Variants in CEP128 observed in about 807,000 individuals in gnomAD.
CEP128 encodes centrosomal protein 128kDa.
Under a neutral mutation model 156.7 loss-of-function variants are expected in CEP128, and 132 were observed. That is an observed-to-expected ratio of 0.84 (90% CI 0.73 to 0.97). The LOEUF (loss-of-function observed/expected upper bound fraction) is 0.97. Among genes scored for constraint, CEP128 ranks in the 50% least tolerant of loss-of-function variants. The pLI is 0.00. For synonymous variants in CEP128, 469 were observed against 448.9 expected, an observed-to-expected ratio of 1.04 and a Z score of -0.57; for missense variants, 1,252 against 1,281.9, an observed-to-expected ratio of 0.98 and a Z score of 0.36.
chr14:80,793,838 C>CAT (rs1231434115), intron 13 of CEP128, among the ~76,000 whole-genome samples: 2 of 152,104 alleles, frequency 1.3e-5, no homozygotes, highest in African/African-American at 4.8e-5. Context: ...ATGATTAATA[C>CAT]ATATTTTAAG....
At chr14:80,656,291 T>TTATTTATATATATATA (rs1895148766) in intron 19 of CEP128, among the ~76,000 whole-genome samples, 1 of 25,702 alleles carries the variant, frequency 3.9e-5, no homozygotes, top group Non-Finnish European at 6.6e-5. Flanking sequence ...ATATATATAT[T>TTATTTATATATATATA]TATATATATA....
In CEP128 at chr14:80,620,312, T is replaced by C. The variant is rs551242856; in HGVS notation, c.2807-39889A>G. Among the ~76,000 whole-genome samples the C allele has an allele frequency of 4.6e-5, 7 of 151,986 alleles. No homozygotes were observed. The South Asian group carries it at 1.5e-3, about 32-fold the overall frequency. On this transcript the variant is annotated intron_variant, in intron 19 of 24. Coordinates refer to ENST00000555265, the MANE Select transcript of CEP128 (RefSeq NM_152446.5). ...TTTTAGTGGTCGACTAAGGAGACAATAGAGAGAAGCAATTTGAGATGCTAC... is the reference window on the plus strand; with the variant it reads ...TTTTAGTGGTCGACTAAGGAGACAACAGAGAGAAGCAATTTGAGATGCTAC...
chr14:80,873,463 T>C (rs1303663742), intron 8 of CEP128, among the ~76,000 whole-genome samples: 1 of 152,220 alleles, frequency 6.6e-6, no homozygotes. Flanking sequence ...GGTTCTCTTG[T>C]CACGTGGTGA....
chr14:80,744,433 T>C (rs1196731662), intron 18 of CEP128, among the ~76,000 whole-genome samples: 2 of 152,170 alleles, frequency 1.3e-5, no homozygotes, highest in East Asian at 3.8e-4. Context: ...GGAATGATGA[T>C]ATATAGAGTT....
chr14:80,725,183 AT>A (rs201490130), intron 19 of CEP128, among the ~76,000 whole-genome samples: 2,936 of 137,022 alleles, frequency 0.021, 32 homozygotes, highest in African/African-American at 0.046. Context: ...TGTTTTCCCA[AT>A]TTTTTTTTTT....
At chr14:80,880,898 TAATA>T (rs1888513152) in intron 8 of CEP128, among the ~76,000 whole-genome samples, 2 of 141,122 alleles carry the variant, frequency 1.4e-5, no homozygotes, top group East Asian at 2.1e-4. Flanking sequence ...ATAATAATAA[TAATA>T]ATAATAATTT....
chr14:80,785,031 A>G lies in CEP128; in HGVS notation c.2075T>C (p.Val692Ala). The G allele has an allele frequency of 6.2e-7, 1 of 1,614,212 alleles. No individual in the cohort carries two copies. The highest frequency in any genetic ancestry group is 8.5e-7 in the Non-Finnish European group (1 of 1,180,006). ...GAGATCTTTCAGCTCCCTCTGGTGC[A>G]CATCTCGTTCCAGCTTTAACTGTGT... ...IITQLKLERD[V>A]HQRELKDLTS... The change falls in exon 15 of 25, where the codon GTG becomes GCG. Residue 692 changes from valine to alanine, a missense_variant. Transcript: ENST00000555265.
Position 80,916,474 on chromosome 14 carries a change from G to C in CEP128, c.74C>G (p.Thr25Arg), listed in dbSNP as rs141572655. The change falls in exon 3 of 25, where the codon ACG becomes AGG. Residue 25 changes from threonine (T) to arginine (R), a missense_variant. By Grantham distance (71) the Thr-to-Arg change is moderately conservative. Coordinates refer to ENST00000555265, the MANE Select transcript of CEP128 (RefSeq NM_152446.5). ...AGGAAGACTTCGAGTTCCCCTGTGC[G>C]TTGATCTGGCAGCCCATGGACTCAA... ...DRLSPWAARS[T>R]HRGTRSLPTV... 6.2e-7 allele frequency: 1 copy of C among 1,613,954 alleles called. No homozygotes were observed. Among genetic ancestry groups the C allele is most frequent in the South Asian group, 1.1e-5 (1 of 91,078 alleles).
At chr14:80,855,466 A>G (rs1261234875) in intron 9 of CEP128, among the ~76,000 whole-genome samples, 1 of 152,202 alleles carries the variant, frequency 6.6e-6, no homozygotes, top group Non-Finnish European at 1.5e-5. Context: ...TTTAATGGGC[A>G]TTTATAACAT....
chr14:80,481,965 A>G (rs1186511113), intron 14 of CEP128, among the ~76,000 whole-genome samples: 1 of 152,266 alleles, frequency 6.6e-6, no homozygotes, highest in African/African-American at 2.4e-5. Context: ...AGGAACTTCT[A>G]TTTTTAAAAC....
intron 21 of CEP128, among the ~76,000 whole-genome samples, chr14:80,540,538 T>A (rs985963290): frequency 2.0e-5 from 3 of 151,914 alleles, no homozygotes; most frequent in African/African-American, 7.3e-5. Context: ...GGGCAAGAGG[T>A]TTTAGAGCCT....
intron 21 of CEP128, among the ~76,000 whole-genome samples, chr14:80,540,198 C>CCA (rs1555372600): frequency 8.9e-5 from 3 of 33,664 alleles, no homozygotes; most frequent in African/African-American, 1.7e-4. Flanking sequence ...TGTTCTTACA[C>CCA]CCCCCCCCCT....
At chr14:80,711,740 A>C (rs1897416784) in intron 19 of CEP128, among the ~76,000 whole-genome samples, 1 of 152,168 alleles carries the variant, frequency 6.6e-6, no homozygotes, top group African/African-American at 2.4e-5. Context: ...ACAAAGGATA[A>C]ATGCTTGAAG....
At chr14:80,544,311 C>T (rs1889890078) in intron 21 of CEP128, among the ~76,000 whole-genome samples, 1 of 151,980 alleles carries the variant, frequency 6.6e-6, no homozygotes, top group African/African-American at 2.4e-5. Flanking sequence ...ATAAAAATAC[C>T]ATAAAGTGGG....
In CEP128 at chr14:80,744,130, C is replaced by T. The variant is rs1029442378; in HGVS notation, c.2614-863G>A. Among the ~76,000 whole-genome samples the T allele has an allele frequency of 3.2e-4, 48 of 152,084 alleles. 1 individual carries two copies. Among genetic ancestry groups the T allele is most frequent in the Admixed American group, 2.8e-3 (42 of 15,262 alleles). The stretch of plus-strand genomic sequence containing the variant: ...GCTCAAGAAATCCACCTGTCTCAGC[C>T]TCCCGAAGTACTAGAACTACTGACA... On this transcript the variant is annotated intron_variant, in intron 18 of 24. Transcript: ENST00000555265.
chr14:80,946,810 G>C (rs1391883971), intron 2 of CEP128, among the ~76,000 whole-genome samples: 1 of 152,110 alleles, frequency 6.6e-6, no homozygotes, highest in Non-Finnish European at 1.5e-5. Flanking sequence ...GCTTGGTTCC[G>C]TGTCCCCACC....
At chr14:80,918,322 C>T (rs907381369) in intron 2 of CEP128, among the ~76,000 whole-genome samples, 5 of 152,184 alleles carry the variant, frequency 3.3e-5, no homozygotes, top group African/African-American at 1.2e-4. Flanking sequence ...CATAACATAA[C>T]ATCTTTTACT....
At chr14:80,642,027 T>C (rs1894431709) in intron 19 of CEP128, among the ~76,000 whole-genome samples, 2 of 135,572 alleles carry the variant, frequency 1.5e-5, no homozygotes, top group Admixed American at 8.3e-5. Context: ...GAGGCGGAGC[T>C]TGCAGTGAGC....
intron 13 of CEP128, among the ~76,000 whole-genome samples, chr14:80,826,976 A>T (rs1885517987): frequency 6.6e-6 from 1 of 152,206 alleles, no homozygotes; most frequent in Non-Finnish European, 1.5e-5. Flanking sequence ...TTTTCTATGC[A>T]TATACAGATT....
Sources: gnomAD v4.1 joint callset for allele counts (sites outside exome capture counted in the v4.1 genomes callset) on GRCh38, gnomAD v4.1.1 for gene constraint, MANE v1.5 for transcripts, NCBI Gene and HGNC (gene_info 2026-07-23, HGNC 2026-07-21) for gene names.